The following NBEA variants were observed in gnomAD, a reference collection of about 807,000 sequenced individuals.
The protein encoded by NBEA is lysosomal-trafficking regulator 2.
Under a neutral mutation model 343.4 loss-of-function variants are expected in NBEA, and 44 were observed. That is an observed-to-expected ratio of 0.13 (90% CI 0.10 to 0.16). The LOEUF (loss-of-function observed/expected upper bound fraction) is 0.16, where lower values mean the gene tolerates loss of function less well. NBEA is among the 10% of genes least tolerant of loss of function. The pLI is 1.00. For synonymous variants in NBEA, 1,175 were observed against 1,238.7 expected (o/e 0.95, Z 1.08); for missense variants, 2,555 against 3,631.3 (o/e 0.70, Z 7.62).
At chr13:34,958,453 C>T (rs1243457223) in intron 1 of NBEA, among the ~76,000 whole-genome samples, 2 of 151,706 alleles carry the variant, frequency 1.3e-5, no homozygotes, top group African/African-American at 4.8e-5. Context: ...GGAGGAGACC[C>T]TCTAATGCCT....
intron 38 of NBEA, among the ~76,000 whole-genome samples, chr13:35,367,487 C>T (rs765997005): frequency 2.0e-5 from 3 of 150,248 alleles, no homozygotes; most frequent in South Asian, 2.1e-4. Context: ...AAATTTGATT[C>T]GTAATTTTTC....
At chr13:35,437,023 A>C (rs1180203142) in intron 39 of NBEA, among the ~76,000 whole-genome samples, 1 of 152,192 alleles carries the variant, frequency 6.6e-6, no homozygotes, top group East Asian at 1.9e-4. Flanking sequence ...TTATCTATTA[A>C]TGTAGTAAGT....
intron 10 of NBEA, 42 bp from the exon 11 acceptor site, chr13:35,098,255 A>T: frequency 7.5e-7 from 1 of 1,338,878 alleles, no homozygotes. Flanking sequence ...TTTATAATAA[A>T]CATGTGATGA....
chr13:35,665,495 G>C (rs945165220), intron 56 of NBEA, among the ~76,000 whole-genome samples: 16 of 152,144 alleles, frequency 1.1e-4, no homozygotes, highest in African/African-American at 3.9e-4. Context: ...GATGTAGTGG[G>C]GGAGGTGGGG....
intron 41 of NBEA, among the ~76,000 whole-genome samples, chr13:35,487,007 CT>C: frequency 6.6e-6 from 1 of 151,898 alleles, no homozygotes; most frequent in East Asian, 1.9e-4. Context: ...TATTTATATA[CT>C]TTTCTTTTAT....
rs1376563360 is a variant in NBEA, at chr13:35,048,940, G to A, written c.845+256G>A. On this transcript the variant is annotated intron_variant, in intron 5 of 58. Coordinates refer to ENST00000379939, the MANE Select transcript of NBEA (RefSeq NM_001385012.1). ...TAAAAGTCAAAGGTACAGACTTTCT[G>A]TCCCAGTCTCCTTCAATGTATATCA... Among the ~76,000 whole-genome samples, 2 of 151,762 alleles carry A rather than the reference G, an allele frequency of 1.3e-5. 1 individual carries two copies. The highest frequency in any genetic ancestry group is 6.3e-3 in the Middle Eastern group (2 of 316).
intron 8 of NBEA, among the ~76,000 whole-genome samples, chr13:35,069,626 T>C (rs1382487117): frequency 2.0e-5 from 3 of 152,154 alleles, no homozygotes; most frequent in Non-Finnish European, 4.4e-5. Context: ...ATCCTATTTA[T>C]ATATAATATC....
At chr13:35,663,603 G>T (rs893941155) in intron 55 of NBEA, among the ~76,000 whole-genome samples, 1 of 152,104 alleles carries the variant, frequency 6.6e-6, no homozygotes, top group Non-Finnish European at 1.5e-5. Flanking sequence ...CTGATTTGCT[G>T]ATTTCCTTTG....
intron 36 of NBEA, among the ~76,000 whole-genome samples, chr13:35,332,847 T>C (rs991702125): frequency 6.6e-6 from 1 of 152,096 alleles, no homozygotes; most frequent in African/African-American, 2.4e-5. Flanking sequence ...CTACATAGAG[T>C]ACACTCATTG....
chr13:35,545,578 T>C (rs1247675772), intron 41 of NBEA, among the ~76,000 whole-genome samples: 1 of 152,224 alleles, frequency 6.6e-6, no homozygotes, highest in Non-Finnish European at 1.5e-5. Flanking sequence ...CTGTTTTAAA[T>C]TGCTTACCAG....
chr13:35,439,615 AGATAT>A (rs1165098410), intron 39 of NBEA, among the ~76,000 whole-genome samples: 1 of 152,256 alleles, frequency 6.6e-6, no homozygotes, highest in African/African-American at 2.4e-5. Flanking sequence ...TTTGAGGATA[AGATAT>A]ATCTAATGTA....
At chr13:35,062,055 G>T (rs1358433416) in intron 8 of NBEA, among the ~76,000 whole-genome samples, 1 of 151,556 alleles carries the variant, frequency 6.6e-6, no homozygotes, top group Non-Finnish European at 1.5e-5. Flanking sequence ...CTCAAGGGAA[G>T]AGAAAATCAT....
rs189063978 is a variant in NBEA at position 35,298,091 on chromosome 13, A to G, written c.5838+7641A>G. Among the ~76,000 whole-genome samples the G allele has an allele frequency of 3.7e-3, 559 of 151,526 alleles. 2 individuals carry two copies. Among genetic ancestry groups the G allele is most frequent in the Non-Finnish European group, 5.9e-3 (402 of 67,740 alleles). ...TCAGTTAACACGTTTTCTATGTTAT[A>G]TGTATTATGCATTCTAATCTTACAG... On this transcript the variant is annotated intron_variant, in intron 35 of 58. Transcript: ENST00000379939.
intron 34 of NBEA, among the ~76,000 whole-genome samples, chr13:35,268,771 C>A (rs976307367): frequency 6.6e-6 from 1 of 151,890 alleles, no homozygotes; most frequent in African/African-American, 2.4e-5. Context: ...AATGTATGAT[C>A]ATTTAAATTT....
intron 34 of NBEA, among the ~76,000 whole-genome samples, chr13:35,276,691 A>G (rs2152808009): frequency 6.6e-6 from 1 of 152,320 alleles, no homozygotes; most frequent in Non-Finnish European, 1.5e-5. Flanking sequence ...AAAAGGAAAT[A>G]CATTGCTTAG....
chr13:35,452,519 G>C (rs964652101), intron 40 of NBEA, among the ~76,000 whole-genome samples: 6 of 152,070 alleles, frequency 3.9e-5, no homozygotes, highest in African/African-American at 1.4e-4. Flanking sequence ...ACATCTTACG[G>C]CCTATATTAT....
intron 36 of NBEA, among the ~76,000 whole-genome samples, chr13:35,348,150 G>T (rs932472311): frequency 6.6e-6 from 1 of 152,046 alleles, no homozygotes; most frequent in Non-Finnish European, 1.5e-5. Flanking sequence ...GGGAAATGTT[G>T]TTGCAGCCAT....
intron 33 of NBEA, among the ~76,000 whole-genome samples, chr13:35,222,702 A>T (rs1384608821): frequency 6.6e-6 from 1 of 152,216 alleles, no homozygotes; most frequent in African/African-American, 2.4e-5. Context: ...TCTTTAAATT[A>T]TCAGACTCAG....
intron 8 of NBEA, among the ~76,000 whole-genome samples, chr13:35,062,738 A>C (rs185750306): frequency 6.6e-6 from 1 of 152,038 alleles, no homozygotes; most frequent in Non-Finnish European, 1.5e-5. Flanking sequence ...GAATTTTTTT[A>C]TCCGGTGAAA....
Sources: allele counts gnomAD v4.1 joint callset (sites outside exome capture counted in the v4.1 genomes callset), GRCh38; gene constraint gnomAD v4.1.1; transcripts MANE v1.5; gene names NCBI Gene and HGNC (gene_info 2026-07-23, HGNC 2026-07-21).